Variants in KLF15 observed in about 807,000 individuals in gnomAD.
KLF15 encodes Krueppel-like factor 15.
KLF15 carries 4 observed loss-of-function variants against 24.6 expected under a neutral mutation model. That is an observed-to-expected ratio of 0.16 (90% CI 0.08 to 0.37). The LOEUF is 0.37. Ranked by LOEUF, KLF15 falls within the 10% of genes least tolerant of loss-of-function variation. KLF15 has a pLI of 1.00. For synonymous variants in KLF15, 246 were observed against 236.3 expected (o/e 1.04, Z -0.37); for missense variants, 496 against 560.6 (o/e 0.88, Z 1.16).
the KLF15 span, among the ~76,000 whole-genome samples, chr3:126,312,170 G>C: frequency 1.3e-5 from 2 of 152,162 alleles, no homozygotes; most frequent in South Asian, 4.1e-4. Flanking sequence ...TTGTATCTAA[G>C]AACCTGAGTC....
the KLF15 span, among the ~76,000 whole-genome samples, chr3:126,335,909 T>C: frequency 6.9e-6 from 1 of 144,694 alleles, no homozygotes. Flanking sequence ...AAACCACTGC[T>C]CAAGGAAATA....
At chr3:126,345,151 C>T (rs544798172) in intron 2 of KLF15, among the ~76,000 whole-genome samples, 3 of 152,306 alleles carry the variant, frequency 2.0e-5, no homozygotes, top group Admixed American at 6.5e-5. Flanking sequence ...GAGCTCAGCT[C>T]GAATGTCACT....
At chr3:126,298,536 C>A in the KLF15 span, among the ~76,000 whole-genome samples, 1 of 151,900 alleles carries the variant, frequency 6.6e-6, no homozygotes, top group South Asian at 2.1e-4. Context: ...GTCATAAATT[C>A]TTTGCCTAAG....
the KLF15 span, among the ~76,000 whole-genome samples, chr3:126,334,496 C>G: frequency 8.8e-6 from 1 of 114,180 alleles, no homozygotes; most frequent in Middle Eastern, 3.9e-3. Flanking sequence ...GACACCCTAA[C>G]ATCACAATTA....
rs2082592713 is a variant in KLF15, at chr3:126,352,510, T to C, written c.413A>G (p.Gln138Arg). 6.2e-7 allele frequency: 1 copy of C among 1,613,116 alleles called. No individual in the cohort carries two copies. The highest frequency in any genetic ancestry group is 1.1e-5 in the South Asian group (1 of 91,088). Reference sequence around the variant, plus strand: ...CTCTTCAATCTCCTCCAGGGTAGGCTGGAAGGGCCGTGGGACGTCATCAGG... The same window carrying C: ...CTCTTCAATCTCCTCCAGGGTAGGCCGGAAGGGCCGTGGGACGTCATCAGG... ...GDPDDVPRPF[Q>R]PTLEEIEEFL... is the part of the protein sequence containing the mutation. The change falls in exon 2 of 3, where the codon CAG (glutamine) becomes CGG (arginine). Residue 138 changes from glutamine (Q) to arginine (R), a missense_variant. Gln to Arg is a conservative substitution (Grantham distance 43). Coordinates refer to ENST00000296233, the MANE Select transcript of KLF15 (RefSeq NM_014079.4).
At chr3:126,347,648 G>A (rs1466884448) in intron 2 of KLF15, among the ~76,000 whole-genome samples, 2 of 152,236 alleles carry the variant, frequency 1.3e-5, no homozygotes, top group East Asian at 3.8e-4. Flanking sequence ...TGACAGTGAG[G>A]CAAGGAAACT....
the KLF15 span, among the ~76,000 whole-genome samples, chr3:126,317,171 G>A: frequency 3.6e-3 from 542 of 152,238 alleles, 3 homozygotes; most frequent in Non-Finnish European, 5.8e-3. Context: ...GGGCTGGGCC[G>A]CATTGCTTCT....
chr3:126,294,960 CAT>C, the KLF15 span, among the ~76,000 whole-genome samples: 1 of 151,644 alleles, frequency 6.6e-6, no homozygotes, highest in Admixed American at 6.6e-5. Context: ...TACACACAAA[CAT>C]GTATATATGT....
At chr3:126,327,221 G>C in the KLF15 span, among the ~76,000 whole-genome samples, 2 of 152,192 alleles carry the variant, frequency 1.3e-5, no homozygotes, top group African/African-American at 4.8e-5. Context: ...CTGGGATGGA[G>C]TGGGGCTGGA....
chr3:126,314,886 C>T, the KLF15 span, among the ~76,000 whole-genome samples: 1 of 152,216 alleles, frequency 6.6e-6, no homozygotes, highest in African/African-American at 2.4e-5. Context: ...GCTTGCTTTC[C>T]TTGAGAAAGA....
chr3:126,303,949 G>C, the KLF15 span, among the ~76,000 whole-genome samples: 4 of 123,056 alleles, frequency 3.3e-5, no homozygotes, highest in South Asian at 7.1e-4. Flanking sequence ...ATCTGCAGAA[G>C]TTTGATTAGG....
chr3:126,320,884 G>A, the KLF15 span, among the ~76,000 whole-genome samples: 1 of 152,040 alleles, frequency 6.6e-6, no homozygotes, highest in Non-Finnish European at 1.5e-5. Flanking sequence ...AGCAGGGGAA[G>A]GGTGGTCCTG....
the KLF15 span, among the ~76,000 whole-genome samples, chr3:126,295,278 T>A: frequency 3.3e-5 from 5 of 152,212 alleles, no homozygotes; most frequent in African/African-American, 1.2e-4. Context: ...CTACTGGTCC[T>A]TACAACAACT....
At chr3:126,329,603 T>C in the KLF15 span, among the ~76,000 whole-genome samples, 4 of 152,210 alleles carry the variant, frequency 2.6e-5, no homozygotes, top group Non-Finnish European at 5.9e-5. Flanking sequence ...TGTCGTGTCA[T>C]ATTGGGTTGC....
At chr3:126,319,716 A>G in the KLF15 span, among the ~76,000 whole-genome samples, 10 of 152,334 alleles carry the variant, frequency 6.6e-5, no homozygotes, top group Middle Eastern at 6.8e-3. Context: ...CTACGGGCAT[A>G]TCAAGGCTTT....
At chr3:126,331,527 C>T in the KLF15 span, among the ~76,000 whole-genome samples, 9 of 152,126 alleles carry the variant, frequency 5.9e-5, no homozygotes, top group Admixed American at 1.3e-4. Context: ...ATGTGTTCAC[C>T]CTCCAAAAAC....
rs775269285 is a variant in KLF15 at position 126,343,810 on chromosome 3, ACTT to A, written c.1165_1167del (p.Lys389del). ...TTGGAGAGGTGGTCGCTCCGCGCGA[ACTT>A]CTTCTCGCACACAGGACACTGGTAC... On this transcript the variant is annotated inframe_deletion, in exon 3 of 3. Transcript: ENST00000296233. 11 of 1,611,630 alleles carry A rather than the reference ACTT, an allele frequency of 6.8e-6. No individual in the cohort carries two copies. The highest frequency in any genetic ancestry group is 1.7e-5 in the Admixed American group (1 of 59,928).
At chr3:126,346,773 C>A (rs2082538654) in intron 2 of KLF15, among the ~76,000 whole-genome samples, 1 of 152,144 alleles carries the variant, frequency 6.6e-6, no homozygotes, top group Admixed American at 6.5e-5. Flanking sequence ...AACAGAGAGC[C>A]CTGGGGACTA....
At chr3:126,321,128 G>A in the KLF15 span, among the ~76,000 whole-genome samples, 3 of 152,104 alleles carry the variant, frequency 2.0e-5, no homozygotes, top group Non-Finnish European at 4.4e-5. Context: ...CACAGGCACA[G>A]GTGTAGCATG....
Sources: allele counts gnomAD v4.1 joint callset (sites outside exome capture counted in the v4.1 genomes callset), GRCh38; gene constraint gnomAD v4.1.1; transcripts MANE v1.5; gene names NCBI Gene and HGNC (gene_info 2026-07-23, HGNC 2026-07-21).